Variants in PEDS1 observed in about 807,000 individuals in gnomAD.
The protein encoded by PEDS1 is plasmanylethanolamine desaturase 1, also known as CarF homolog.
PEDS1 carries 14 observed loss-of-function variants against 35.2 expected under a neutral mutation model. The observed-to-expected ratio is 0.40, with a 90% confidence interval of 0.26 to 0.62. The LOEUF (loss-of-function observed/expected upper bound fraction) is 0.62. PEDS1 is among the 20% of genes least tolerant of loss of function. The pLI is 0.44. For missense variants in PEDS1, 260 were observed against 367.8 expected, an observed-to-expected ratio of 0.71 and a Z score of 2.40; for synonymous variants, 152 against 152.0, an observed-to-expected ratio of 1.00 and a Z score of 0.00.
intron 2 of PEDS1, among the ~76,000 whole-genome samples, chr20:50,140,094 T>C (rs1569047509): frequency 1.3e-5 from 2 of 152,230 alleles, no homozygotes; most frequent in Non-Finnish European, 2.9e-5. Context: ...GCTTCATCCC[T>C]TCCATCTCTC....
intron 5 of PEDS1, among the ~76,000 whole-genome samples, chr20:50,127,772 T>C (rs1346899137): frequency 2.0e-5 from 3 of 152,124 alleles, no homozygotes; most frequent in African/African-American, 4.8e-5. Flanking sequence ...GGAGAGGGCT[T>C]TGTCAGTCTC....
chr20:50,130,919 C>A lies in PEDS1; in HGVS notation c.270G>T (p.Leu90Phe), dbSNP rs766593325. The A allele has an allele frequency of 2.5e-5, 40 of 1,614,106 alleles. No individual in the cohort carries two copies. In the South Asian group the frequency reaches 4.2e-4, roughly 17 times the overall value. Residue 90 changes from leucine to phenylalanine, a missense_variant, in exon 3 of 6, where the codon TTG (leucine) becomes TTT (phenylalanine). This residue lies in a region of PEDS1 where 34 missense variants were observed against 81.9 expected (regional missense o/e 0.41). Transcript: ENST00000371652. The part of the protein sequence containing the change: ...VVAGALIADF[L>F]SGLVHWGADT... ...CAGCACCCCAGTGTACCAGGCCAGA[C>A]AAGAAGTCAGCAATGAGAGCCCCTG...
rs2081134801 is a variant in PEDS1, at chr20:50,128,332, G to A, written c.479-145C>T. ...TCTTCCACCCCCTGCAGGGCCGCAG[G>A]CAAGCTCAGGTGCTGCCCTGGGCTT... On this transcript the variant is annotated intron_variant, in intron 4 of 5. Transcript: ENST00000371652. The surrounding 1 kb of genome is among the most constrained non-coding windows in gnomAD (Gnocchi z 5.2). The A allele has an allele frequency of 1.0e-6, 1 of 981,982 alleles. No homozygotes were observed. Among genetic ancestry groups the A allele is most frequent in the East Asian group, 2.6e-5 (1 of 38,150 alleles). 60.8% of individuals were successfully genotyped at this position (981,982 alleles called of 1,614,324 possible).
At chr20:50,141,016 T>A (rs1351181257) in intron 2 of PEDS1, among the ~76,000 whole-genome samples, 1 of 152,076 alleles carries the variant, frequency 6.6e-6, no homozygotes, top group East Asian at 1.9e-4. Context: ...GAAGATCAGA[T>A]CCCAACCAGG....
chr20:50,127,674 G>A (rs556938697), intron 5 of PEDS1, among the ~76,000 whole-genome samples: 1 of 152,282 alleles, frequency 6.6e-6, no homozygotes, highest in East Asian at 1.9e-4. Context: ...TGCTGCAGGA[G>A]CCTACGCCCA....
chr20:50,127,360 T>C (rs917778152), intron 5 of PEDS1, among the ~76,000 whole-genome samples: 4 of 146,244 alleles, frequency 2.7e-5, no homozygotes, highest in African/African-American at 1.0e-4. Context: ...TTTTTTTTTT[T>C]TTTTTGAGAC....
intron 2 of PEDS1, among the ~76,000 whole-genome samples, chr20:50,139,062 TG>T (rs2147289358): frequency 6.6e-6 from 1 of 152,254 alleles, no homozygotes; most frequent in South Asian, 2.1e-4. Context: ...GTTTCGGTCC[TG>T]GGTCCCAGTC....
intron 5 of PEDS1, among the ~76,000 whole-genome samples, chr20:50,127,181 C>A (rs2081115850): frequency 6.6e-6 from 1 of 152,282 alleles, no homozygotes; most frequent in South Asian, 2.1e-4. Flanking sequence ...TCCCTGACCA[C>A]CCGATTTAAG....
intron 2 of PEDS1, among the ~76,000 whole-genome samples, chr20:50,141,366 C>A (rs1377721345): frequency 1.3e-5 from 2 of 152,250 alleles, no homozygotes; most frequent in Admixed American, 1.3e-4. Flanking sequence ...CACAAAACAT[C>A]CGTGATTAAA....
At chr20:50,144,278 C>T (rs1040353389) in intron 1 of PEDS1, among the ~76,000 whole-genome samples, 4 of 152,206 alleles carry the variant, frequency 2.6e-5, no homozygotes, top group Non-Finnish European at 5.9e-5. Context: ...TAATGAGCTT[C>T]TTTTTCTTTT....
rs1414024138 is a variant in PEDS1 at position 50,121,757 on chromosome 20, G to A, written c.*3301C>T. The A allele has an allele frequency of 6.6e-6, 1 of 152,226 alleles. No homozygotes were observed. Among genetic ancestry groups the A allele is most frequent in the African/African-American group, 2.4e-5 (1 of 41,434 alleles). 9.4% of individuals were successfully genotyped at this position (152,226 alleles called of 1,614,324 possible). ...TTACTACCTGTGGGACCTTGGGGGAGTCACTTTACCTCTCTGGACTCAGGC... is the reference window on the plus strand; with the variant it reads ...TTACTACCTGTGGGACCTTGGGGGAATCACTTTACCTCTCTGGACTCAGGC... On this transcript the variant is annotated 3_prime_UTR_variant, in exon 6 of 6. Coordinates refer to ENST00000371652, the MANE Select transcript of PEDS1 (RefSeq NM_199129.4).
intron 1 of PEDS1, among the ~76,000 whole-genome samples, chr20:50,147,389 TG>T (rs1010740451): frequency 6.6e-6 from 1 of 152,254 alleles, no homozygotes; most frequent in Non-Finnish European, 1.5e-5. Flanking sequence ...CTCCCTTCCC[TG>T]GGGTCTCACA....
rs770593619 is a variant in PEDS1 at position 50,125,084 on chromosome 20, T to C, written c.787A>G (p.Met263Val). ...LTGEKPRADD[M>V]KWAQKIK ...TATTTGATCTTCTGGGCCCATTTCA[T>C]GTCATCTGCCCGAGGCTTCTCGCCC... Residue 263 changes from methionine to valine, a missense_variant, in exon 6 of 6, where the codon ATG becomes GTG. Around this residue, in one of 4 missense-constraint regions of PEDS1, gnomAD observed 83 missense variants for 142.8 expected, o/e 0.58. Coordinates refer to ENST00000371652, the MANE Select transcript of PEDS1 (RefSeq NM_199129.4). The C allele has an allele frequency of 5.6e-6, 9 of 1,614,116 alleles. No individual in the cohort carries two copies. Among genetic ancestry groups the C allele is most frequent in the South Asian group, 5.5e-5 (5 of 91,090 alleles).
At chr20:50,148,285 C>T (rs149357963) in intron 1 of PEDS1, among the ~76,000 whole-genome samples, 6 of 152,300 alleles carry the variant, frequency 3.9e-5, no homozygotes, top group African/African-American at 1.4e-4. Context: ...TCACCAAAGT[C>T]ACAGCATGGA....
chr20:50,129,725 C>T lies in PEDS1; in HGVS notation c.334-35G>A, dbSNP rs1027125962. 1 of 1,610,350 alleles carries T rather than the reference C, an allele frequency of 6.2e-7. No individual in the cohort carries two copies. The highest frequency in any genetic ancestry group is 8.5e-7 in the Non-Finnish European group (1 of 1,178,470). ...AGGGGGACACAGCCCCAGCAGTCAGCCTAAGGTGGTCAGCTGCTCTCCACA... is the reference window on the plus strand; with the variant it reads ...AGGGGGACACAGCCCCAGCAGTCAGTCTAAGGTGGTCAGCTGCTCTCCACA... On this transcript the variant is annotated intron_variant, in intron 3 of 5. Coordinates refer to ENST00000371652, the MANE Select transcript of PEDS1 (RefSeq NM_199129.4). The surrounding 1 kb of genome is among the most constrained non-coding windows in gnomAD (Gnocchi z 4.2).
rs781566578 is a variant in PEDS1, at chr20:50,151,343, T to C, written c.121+2174A>G. Reference sequence around the variant, plus strand: ...TGGGGAAACCAGAAATGGACAAATATGCAATTGATCGTGGTGGAGTGGGGA... The same window carrying C: ...TGGGGAAACCAGAAATGGACAAATACGCAATTGATCGTGGTGGAGTGGGGA... On this transcript the variant is annotated intron_variant, in intron 1 of 5. Coordinates refer to ENST00000371652, the MANE Select transcript of PEDS1 (RefSeq NM_199129.4). 13 of 1,271,926 alleles carry C rather than the reference T, an allele frequency of 1.0e-5. No individual in the cohort carries two copies. The South Asian group carries it at 1.1e-4, about 11-fold the overall frequency. The allele number at this position is 1,271,926 out of a possible 1,614,324, so 78.8% of individuals were successfully genotyped here.
rs1269625248 is a variant in PEDS1, at chr20:50,128,076, C to T, written c.590G>A (p.Arg197His). The change falls in exon 5 of 6, where the codon CGC becomes CAC. Residue 197 changes from arginine to histidine, a missense_variant. By Grantham distance (29) the Arg-to-His change is conservative. Coordinates refer to ENST00000371652, the MANE Select transcript of PEDS1 (RefSeq NM_199129.4). The surrounding 1 kb of genome is among the most constrained non-coding windows in gnomAD (Gnocchi z 5.2). ...KWSHTYFGLP[R>H]WVTLLQDWHV... ...CCAGTCCTGCAGGAGGGTGACCCAG[C>T]GTGGCAGCCCAAAGTACGTGTGCGA... 8 of 1,614,162 alleles carry T rather than the reference C, an allele frequency of 5.0e-6. No homozygotes were observed. The highest frequency in any genetic ancestry group is 4.5e-5 in the East Asian group (2 of 44,886).
At chr20:50,152,424 C>A (rs576824055) in intron 1 of PEDS1, among the ~76,000 whole-genome samples, 1 of 152,174 alleles carries the variant, frequency 6.6e-6, no homozygotes, top group Non-Finnish European at 1.5e-5. Flanking sequence ...CATGGTGACA[C>A]CCAGGTAGAG....
At chr20:50,143,027 G>A (rs1180985415) in intron 2 of PEDS1, among the ~76,000 whole-genome samples, 2 of 152,136 alleles carry the variant, frequency 1.3e-5, no homozygotes, top group Admixed American at 1.3e-4. Flanking sequence ...GCAGATGTAT[G>A]CAGATGAGAG....
Sources: allele counts gnomAD v4.1 joint callset (sites outside exome capture counted in the v4.1 genomes callset), GRCh38; gene constraint gnomAD v4.1.1; regional missense constraint gnomAD v4.1.1; non-coding constraint Gnocchi (gnomAD v3.1); transcripts MANE v1.5; gene names NCBI Gene and HGNC (gene_info 2026-07-23, HGNC 2026-07-21).